REST: variants seen among roughly 807,000 people sequenced by gnomAD.
REST encodes the protein RE1 silencing transcription factor.
In REST, 1 loss-of-function variant was observed where a neutral mutation model predicts 30.4. The observed-to-expected ratio is 0.03, with a 90% confidence interval of 0.01 to 0.16. REST has a LOEUF of 0.16. REST is among the 10% of genes least tolerant of loss of function. The pLI is 1.00. For missense variants in REST, 1,259 were observed against 1,329.5 expected (o/e 0.95, Z 0.82); for synonymous variants, 504 against 451.1 (o/e 1.12, Z -1.49).
chr4:56,912,117 T>TA (rs1409762847), intron 2 of REST, among the ~76,000 whole-genome samples: 2 of 152,230 alleles, frequency 1.3e-5, no homozygotes, highest in South Asian at 2.1e-4. Context: ...CCTCAAACTT[T>TA]AAAACATTTG....
At position 56,928,248 on chromosome 4, in the gene REST, A is replaced by G. The variant is rs186927540; in HGVS notation, c.983-1593A>G. 3.9e-5 allele frequency among the ~76,000 whole-genome samples: 6 copies of G among 152,228 alleles called. No homozygotes were observed. The East Asian group carries it at 1.2e-3, about 30-fold the overall frequency. ...CAGCCTCCTGAGTAGCTGGGATTACAGGCATCTGCCACTACACCCGGCTAA... is the reference window on the plus strand; with the variant it reads ...CAGCCTCCTGAGTAGCTGGGATTACGGGCATCTGCCACTACACCCGGCTAA... On this transcript the variant is annotated intron_variant, in intron 3 of 3. Transcript: ENST00000309042.
At chr4:56,908,534 C>A (rs1401090804) in intron 1 of REST, among the ~76,000 whole-genome samples, 1 of 152,004 alleles carries the variant, frequency 6.6e-6, no homozygotes, top group Non-Finnish European at 1.5e-5. Context: ...CCTTTGAGGC[C>A]AAGGAGCGGA....
chr4:56,921,796 C>T (rs999407799), intron 3 of REST, among the ~76,000 whole-genome samples: 1 of 152,164 alleles, frequency 6.6e-6, no homozygotes, highest in African/African-American at 2.4e-5. Context: ...ATTTATTTTT[C>T]AAGTTGATCA....
In REST at chr4:56,919,896, A is replaced by G. The variant is rs747667135; in HGVS notation, c.982+26A>G. ...GTTGGTAAGAAATTGGAACTTTTCT[A>G]TCATTTTCAGTAAATGACCATTTTA... On this transcript the variant is annotated intron_variant, in intron 3 of 3. Coordinates refer to ENST00000309042, the MANE Select transcript of REST (RefSeq NM_005612.5). 2.8e-5 allele frequency: 36 copies of G among 1,301,328 alleles called. No homozygotes were observed. In the East Asian group the frequency reaches 3.5e-4, roughly 13 times the overall value. The allele number at this position is 1,301,328 out of a possible 1,614,324, so 80.6% of individuals were successfully genotyped here. A position where few individuals can be genotyped will look rare whatever the true frequency, so the allele number is the denominator to read the frequency against.
Position 56,917,921 on chromosome 4 carries a change from G to A in REST, c.899-1866G>A, listed in dbSNP as rs553504533. Among the ~76,000 whole-genome samples the A allele has an allele frequency of 4.6e-5, 7 of 151,698 alleles. No homozygotes were observed. In the South Asian group the frequency reaches 1.0e-3, roughly 23 times the overall value. ...CAAAAAATTAGCCGGGCATGGTGGCGGGCGCCTGTAGTCCCAGCTACTCAG... is the reference window on the plus strand; with the variant it reads ...CAAAAAATTAGCCGGGCATGGTGGCAGGCGCCTGTAGTCCCAGCTACTCAG... On this transcript the variant is annotated intron_variant, in intron 2 of 3. Transcript: ENST00000309042.
At chr4:56,911,601 T>G in intron 2 of REST, 65 bp downstream of exon 2, 3 of 1,316,900 alleles carry the variant, frequency 2.3e-6, no homozygotes, top group Non-Finnish European at 3.2e-6. Context: ...AGTGGTTAGT[T>G]AAGTAGTGCT....
chr4:56,910,609 T>G, intron 1 of REST, 21 bp from the exon 2 acceptor site: 1 of 1,560,966 alleles, frequency 6.4e-7, no homozygotes, highest in South Asian at 1.2e-5. Flanking sequence ...GTGCTCTTGT[T>G]TTGTTTTGTT....
chr4:56,921,430 A>G (rs1443224268), intron 3 of REST, among the ~76,000 whole-genome samples: 1 of 152,076 alleles, frequency 6.6e-6, no homozygotes, highest in Non-Finnish European at 1.5e-5. Flanking sequence ...TTCTGTTGAG[A>G]CAGAGTCTTG....
chr4:56,916,412 A>G (rs2109537969), intron 2 of REST, among the ~76,000 whole-genome samples: 1 of 152,310 alleles, frequency 6.6e-6, no homozygotes, highest in Middle Eastern at 3.4e-3. Flanking sequence ...CTGTAATCCC[A>G]GCACCTTGGG....
intron 3 of REST, among the ~76,000 whole-genome samples, chr4:56,920,637 C>T (rs1720404298): frequency 6.6e-6 from 1 of 151,914 alleles, no homozygotes; most frequent in Non-Finnish European, 1.5e-5. Flanking sequence ...TGGCGCATGC[C>T]TGTAATCCCA....
At chr4:56,908,353 G>T (rs1719717165) in intron 1 of REST, 140 bp downstream of exon 1, 2 of 156,648 alleles carry the variant, frequency 1.3e-5, no homozygotes, top group Admixed American at 1.3e-4. Context: ...TGTGGCTCCG[G>T]CGGCGGCGGC....
At chr4:56,918,219 T>C (rs531820585) in intron 2 of REST, among the ~76,000 whole-genome samples, 1 of 152,110 alleles carries the variant, frequency 6.6e-6, no homozygotes, top group South Asian at 2.1e-4. Flanking sequence ...TGGTTGGGCA[T>C]GGTGGCTCAT....
chr4:56,911,880 C>T (rs190724802), intron 2 of REST, among the ~76,000 whole-genome samples: 2 of 152,138 alleles, frequency 1.3e-5, no homozygotes, highest in Admixed American at 1.3e-4. Context: ...CCCAGCACCT[C>T]GGGAGGCCGA....
At chr4:56,913,358 A>G (rs1720022955) in intron 2 of REST, among the ~76,000 whole-genome samples, 1 of 152,152 alleles carries the variant, frequency 6.6e-6, no homozygotes, top group Non-Finnish European at 1.5e-5. Flanking sequence ...TAAATATTGT[A>G]ATTGAGGGGC....
chr4:56,933,238 C>T lies in REST; in HGVS notation c.*1086C>T, dbSNP rs1384706509. ...TCATGTGTTTTGGTACAGCTAATTC[C>T]TAATTGTAGAGTGTTAAATGTTTGA... On this transcript the variant is annotated 3_prime_UTR_variant, in exon 4 of 4. Transcript: ENST00000309042. 2 of 151,866 alleles carry T rather than the reference C, an allele frequency of 1.3e-5. No individual in the cohort carries two copies. The highest frequency in any genetic ancestry group is 1.5e-5 in the Non-Finnish European group (1 of 68,002). 9.4% of individuals were successfully genotyped at this position (151,866 alleles called of 1,614,324 possible).
intron 2 of REST, 47 bp downstream of exon 2, chr4:56,911,583 G>A (rs746211829): frequency 1.2e-5 from 18 of 1,476,488 alleles, no homozygotes; most frequent in Non-Finnish European, 1.6e-5. Context: ...TTTTCTGATT[G>A]TTACTTGAGT....
intron 2 of REST, among the ~76,000 whole-genome samples, chr4:56,912,509 G>A (rs1719979777): frequency 6.6e-6 from 1 of 150,856 alleles, no homozygotes; most frequent in Admixed American, 6.6e-5. Context: ...ACCCACCACC[G>A]TGCCTGGCTA....
chr4:56,910,605 T>A (rs944727859), intron 1 of REST, 25 bp from the exon 2 acceptor site: 12 of 1,556,498 alleles, frequency 7.7e-6, no homozygotes, highest in African/African-American at 2.7e-5. Context: ...ACTGGTGCTC[T>A]TGTTTTGTTT....
At chr4:56,909,864 A>T (rs560209979) in intron 1 of REST, among the ~76,000 whole-genome samples, 1 of 152,336 alleles carries the variant, frequency 6.6e-6, no homozygotes, top group Non-Finnish European at 1.5e-5. Context: ...GTTGAGTTGC[A>T]CGATGATTTT....
Sources: allele counts gnomAD v4.1 joint callset (sites outside exome capture counted in the v4.1 genomes callset), GRCh38; gene constraint gnomAD v4.1.1; transcripts MANE v1.5; gene names NCBI Gene and HGNC (gene_info 2026-07-23, HGNC 2026-07-21).